UBL4A: variants seen among roughly 807,000 people sequenced by gnomAD.
The protein encoded by UBL4A is ubiquitin-like protein 4A.
Under a neutral mutation model 11.4 loss-of-function variants are expected in UBL4A, and 4 were observed. That is an observed-to-expected ratio of 0.35 (90% CI 0.17 to 0.81). The LOEUF (loss-of-function observed/expected upper bound fraction) is 0.81, where lower values mean the gene tolerates loss of function less well. Among genes scored for constraint, UBL4A ranks in the 30% least tolerant of loss-of-function variants. The pLI is 0.52. For missense variants in UBL4A, 112 were observed against 124.9 expected (o/e 0.90, Z 0.49); for synonymous variants, 72 against 61.2 (o/e 1.18, Z -0.83).
At chrX:154,486,093 A>T in intron 2 of UBL4A, 114 bp from the exon 3 acceptor site, 2 of 1,048,318 alleles carry the variant, frequency 1.9e-6, no homozygotes, top group Non-Finnish European at 2.6e-6. Context: ...GCTGTGAGGC[A>T]TGCGGCCGCC....
rs2069286185 is a variant in UBL4A at position 154,485,138 on chromosome X, G to A, written c.*401C>T. 15 of 414,889 alleles carry A rather than the reference G, an allele frequency of 3.6e-5. No homozygotes were observed. The East Asian group carries it at 6.0e-4, about 17-fold the overall frequency. 34.2% of individuals were successfully genotyped at this position (414,889 alleles called of 1,213,427 possible). A position where few individuals can be genotyped will look rare whatever the true frequency, so the allele number is the denominator to read the frequency against. On this transcript the variant is annotated 3_prime_UTR_variant, in exon 4 of 4. Coordinates refer to ENST00000369660, the MANE Select transcript of UBL4A (RefSeq NM_014235.5). ...GGCCTCCTGCAGAGGTAAGCTGAGG[G>A]CTATGTTGGACCCGCCAGAAGTCAG...
Position 154,485,045 on chromosome X carries a change from G to A in UBL4A, c.*494C>T, listed in dbSNP as rs992883549. 6 of 295,561 alleles carry A rather than the reference G, an allele frequency of 2.0e-5. No individual in the cohort carries two copies. Among genetic ancestry groups the A allele is most frequent in the Middle Eastern group, 9.5e-4 (1 of 1,051 alleles). The allele number at this position is 295,561 out of a possible 1,213,427, so 24.4% of individuals were successfully genotyped here. A position where few individuals can be genotyped will look rare whatever the true frequency, so the allele number is the denominator to read the frequency against. ...GCCCCAATCTGCTTTTCCATTTGTC[G>A]AACGCACACTGGCACACTGGCTGCA... is the stretch of plus-strand genomic sequence containing the variant. On this transcript the variant is annotated 3_prime_UTR_variant, in exon 4 of 4. Coordinates refer to ENST00000369660, the MANE Select transcript of UBL4A (RefSeq NM_014235.5).
rs782492197 is a variant in UBL4A at position 154,485,145 on chromosome X, T to A, written c.*394A>T. ...TGCAGAGGTAAGCTGAGGGCTATGT[T>A]GGACCCGCCAGAAGTCAGGTGACAG... On this transcript the variant is annotated 3_prime_UTR_variant, in exon 4 of 4. Transcript: ENST00000369660. 2.9e-5 allele frequency: 12 copies of A among 414,865 alleles called. No homozygotes were observed. Among genetic ancestry groups the A allele is most frequent in the Non-Finnish European group, 4.6e-5 (11 of 238,202 alleles). The allele number at this position is 414,865 out of a possible 1,213,427, so 34.2% of individuals were successfully genotyped here. A position where few individuals can be genotyped will look rare whatever the true frequency, so the allele number is the denominator to read the frequency against.
In UBL4A at chrX:154,485,644, G is replaced by A. The variant is rs782054334; in HGVS notation, c.369C>T (p.Tyr123=). ...SRVLEQLQRD[Y]ERSLSRLTLD... is the part of the protein sequence containing the mutation. ...GCGTCAGGCGACTCAGGGACCTCTC[G>A]TAATCCTGGGGAGAGAAGGGCAGGA... The change falls in exon 4 of 4, where the codon TAC becomes TAT. Residue 123 remains tyrosine, a synonymous_variant. Coordinates refer to ENST00000369660, the MANE Select transcript of UBL4A (RefSeq NM_014235.5). The A allele has an allele frequency of 5.0e-6, 6 of 1,205,449 alleles. No homozygotes were observed. Among genetic ancestry groups the A allele is most frequent in the African/African-American group, 3.5e-5 (2 of 56,847 alleles).
chrX:154,486,521 G>C lies in UBL4A; in HGVS notation c.48+16C>G. On this transcript the variant is annotated intron_variant, in intron 1 of 3. Transcript: ENST00000369660. ...GAGAGCGCGCCGGACCCGGCGGCCC[G>C]GCCCGGGGACCCTACCTGCAGGCTG... 1 of 1,033,281 alleles carries C rather than the reference G, an allele frequency of 9.7e-7. No homozygotes were observed. Among genetic ancestry groups the C allele is most frequent in the Non-Finnish European group, 1.2e-6 (1 of 808,782 alleles). 85.2% of individuals were successfully genotyped at this position (1,033,281 alleles called of 1,213,427 possible). A position where few individuals can be genotyped will look rare whatever the true frequency, so the allele number is the denominator to read the frequency against.
Position 154,485,438 on chromosome X carries a change from C to A in UBL4A, c.*101G>T, listed in dbSNP as rs782450266. ...GCACCTGGCCAGAGCCAGGTACATG[C>A]CAGCTATGATGATGATGAGCCCAAC... is the stretch of plus-strand genomic sequence containing the variant. On this transcript the variant is annotated 3_prime_UTR_variant, in exon 4 of 4. Coordinates refer to ENST00000369660, the MANE Select transcript of UBL4A (RefSeq NM_014235.5). 1 of 902,429 alleles carries A rather than the reference C, an allele frequency of 1.1e-6. No individual in the cohort carries two copies. Among genetic ancestry groups the A allele is most frequent in the East Asian group, 3.1e-5 (1 of 32,425 alleles). 74.4% of individuals were successfully genotyped at this position (902,429 alleles called of 1,213,427 possible). A position where few individuals can be genotyped will look rare whatever the true frequency, so the allele number is the denominator to read the frequency against.
chrX:154,485,862 G>T lies in UBL4A; in HGVS notation c.272C>A (p.Pro91Gln), dbSNP rs782230135. The T allele has an allele frequency of 8.3e-7, 1 of 1,208,105 alleles. No individual in the cohort carries two copies. Among genetic ancestry groups the T allele is most frequent in the Admixed American group, 2.2e-5 (1 of 45,787 alleles). Residue 91 changes from proline to glutamine, a missense_variant, in exon 3 of 4, where the codon CCA (proline) becomes CAA (glutamine). By Grantham distance (76) the Pro-to-Gln change is moderately conservative. Transcript: ENST00000369660. ...EGEAQRLADSPPPQVWQLISK... is the reference protein window; with the variant it reads ...EGEAQRLADSQPPQVWQLISK... ...GATCAGCTGCCAGACCTGCGGGGGT[G>T]GGGAGTCGGCCAGCCTCTGGGCCTC... is the stretch of plus-strand genomic sequence containing the variant.
Position 154,485,240 on chromosome X carries a change from C to T in UBL4A, c.*299G>A, listed in dbSNP as rs904000280. The stretch of plus-strand genomic sequence containing the variant: ...TTCTCAGTGGGCTAAACATGACATG[C>T]GAGAGCCCAGCTCTCCAAGCGGCCC... On this transcript the variant is annotated 3_prime_UTR_variant, in exon 4 of 4. Coordinates refer to ENST00000369660, the MANE Select transcript of UBL4A (RefSeq NM_014235.5). 1.3e-5 allele frequency: 6 copies of T among 464,539 alleles called. No individual in the cohort carries two copies. The highest frequency in any genetic ancestry group is 7.4e-5 in the East Asian group (2 of 27,176). 38.3% of individuals were successfully genotyped at this position (464,539 alleles called of 1,213,427 possible). A position where few individuals can be genotyped will look rare whatever the true frequency, so the allele number is the denominator to read the frequency against.
In UBL4A at chrX:154,485,150, C is replaced by T. The variant is rs1240343728; in HGVS notation, c.*389G>A. On this transcript the variant is annotated 3_prime_UTR_variant, in exon 4 of 4. Transcript: ENST00000369660. The stretch of plus-strand genomic sequence containing the variant: ...AGGTAAGCTGAGGGCTATGTTGGAC[C>T]CGCCAGAAGTCAGGTGACAGCTGCT... 1.1e-4 allele frequency: 47 copies of T among 416,415 alleles called. No individual in the cohort carries two copies. The highest frequency in any genetic ancestry group is 4.2e-5 in the Non-Finnish European group (10 of 238,976). 34.3% of individuals were successfully genotyped at this position (416,415 alleles called of 1,213,427 possible). A position where few individuals can be genotyped will look rare whatever the true frequency, so the allele number is the denominator to read the frequency against.
chrX:154,485,669 AAGATTC>A lies in UBL4A; in HGVS notation c.364-26_364-21del, dbSNP rs1557212630. On this transcript the variant is annotated intron_variant, in intron 3 of 3. Transcript: ENST00000369660. ...GTAATCCTGGGGAGAGAAGGGCAGG[AAGATTC>A]AGGGGCTGCCAGTGGTGGGGGGGCA... 15 of 1,180,022 alleles carry A rather than the reference AAGATTC, an allele frequency of 1.3e-5. No individual in the cohort carries two copies. In the Admixed American group the frequency reaches 3.1e-4, roughly 24 times the overall value.
At position 154,486,528 on chromosome X, in the gene UBL4A, G is replaced by T; in HGVS notation, c.48+9C>A. On this transcript the variant is annotated intron_variant, in intron 1 of 3. Coordinates refer to ENST00000369660, the MANE Select transcript of UBL4A (RefSeq NM_014235.5). Reference sequence around the variant, plus strand: ...CGCCGGACCCGGCGGCCCGGCCCGGGGACCCTACCTGCAGGCTGCACTCGC... The same window carrying T: ...CGCCGGACCCGGCGGCCCGGCCCGGTGACCCTACCTGCAGGCTGCACTCGC... 1 of 1,034,765 alleles carries T rather than the reference G, an allele frequency of 9.7e-7. No individual in the cohort carries two copies. The highest frequency in any genetic ancestry group is 1.2e-6 in the Non-Finnish European group (1 of 809,229). The allele number at this position is 1,034,765 out of a possible 1,213,427, so 85.3% of individuals were successfully genotyped here. A position where few individuals can be genotyped will look rare whatever the true frequency, so the allele number is the denominator to read the frequency against.
In UBL4A at chrX:154,485,686, A is replaced by C. The variant is rs782565678; in HGVS notation, c.364-37T>G. 274 of 1,051,968 alleles carry C rather than the reference A, an allele frequency of 2.6e-4. 1 individual carries two copies. Among genetic ancestry groups the C allele is most frequent in the Admixed American group, 8.7e-4 (36 of 41,443 alleles). The allele number at this position is 1,051,968 out of a possible 1,213,427, so 86.7% of individuals were successfully genotyped here. The stretch of plus-strand genomic sequence containing the variant: ...AGGGCAGGAAGATTCAGGGGCTGCC[A>C]GTGGTGGGGGGGCATACACTGCAAC... On this transcript the variant is annotated intron_variant, in intron 3 of 3. Transcript: ENST00000369660.
chrX:154,485,455 G>T lies in UBL4A; in HGVS notation c.*84C>A. On this transcript the variant is annotated 3_prime_UTR_variant, in exon 4 of 4. Transcript: ENST00000369660. Reference sequence around the variant, plus strand: ...GGTACATGCCAGCTATGATGATGATGAGCCCAACTGCAACAGGAGAACACA... The same window carrying T: ...GGTACATGCCAGCTATGATGATGATTAGCCCAACTGCAACAGGAGAACACA... 1.0e-6 allele frequency: 1 copy of T among 997,688 alleles called. No homozygotes were observed. The highest frequency in any genetic ancestry group is 1.9e-5 in the South Asian group (1 of 52,569). 82.2% of individuals were successfully genotyped at this position (997,688 alleles called of 1,213,427 possible). A position where few individuals can be genotyped will look rare whatever the true frequency, so the allele number is the denominator to read the frequency against.
In UBL4A at chrX:154,485,056, G is replaced by T; in HGVS notation, c.*483C>A. On this transcript the variant is annotated 3_prime_UTR_variant, in exon 4 of 4. Transcript: ENST00000369660. The stretch of plus-strand genomic sequence containing the variant: ...CTTTTCCATTTGTCGAACGCACACT[G>T]GCACACTGGCTGCAGCAGCTGCGGG... 1 of 333,875 alleles carries T rather than the reference G, an allele frequency of 3.0e-6. No individual in the cohort carries two copies. Among genetic ancestry groups the T allele is most frequent in the Non-Finnish European group, 5.2e-6 (1 of 190,787 alleles). The allele number at this position is 333,875 out of a possible 1,213,427, so 27.5% of individuals were successfully genotyped here.
chrX:154,486,146 G>T, intron 2 of UBL4A, 82 bp downstream of exon 2: 4 of 1,067,015 alleles, frequency 3.7e-6, no homozygotes, highest in Non-Finnish European at 5.0e-6. Flanking sequence ...ACCCCGACCC[G>T]ACACACGGCT....
chrX:154,485,473 A>G lies in UBL4A; in HGVS notation c.*66T>C. On this transcript the variant is annotated 3_prime_UTR_variant, in exon 4 of 4. Transcript: ENST00000369660. ...TGATGATGAGCCCAACTGCAACAGGAGAACACACTTAGTGCGACATGCAGC... is the reference window on the plus strand; with the variant it reads ...TGATGATGAGCCCAACTGCAACAGGGGAACACACTTAGTGCGACATGCAGC... 1.3e-5 allele frequency: 14 copies of G among 1,089,438 alleles called. No individual in the cohort carries two copies. Among genetic ancestry groups the G allele is most frequent in the Non-Finnish European group, 1.8e-5 (14 of 784,006 alleles). 89.8% of individuals were successfully genotyped at this position (1,089,438 alleles called of 1,213,427 possible). A position where few individuals can be genotyped will look rare whatever the true frequency, so the allele number is the denominator to read the frequency against.
rs369463648 is a variant in UBL4A at position 154,485,888 on chromosome X, G to C, written c.246C>G (p.Gly82=). The C allele has an allele frequency of 9.9e-6, 12 of 1,209,475 alleles. No individual in the cohort carries two copies. The highest frequency in any genetic ancestry group is 1.2e-5 in the Non-Finnish European group (11 of 894,896). ...GGGAGTCGGCCAGCCTCTGGGCCTC[G>C]CCTTCTTCTAGTAGCACCTTCTCCA... ...KPLEKVLLEE[G]EAQRLADSPP... is the part of the protein sequence containing the mutation. The change falls in exon 3 of 4, where the codon GGC becomes GGG. Residue 82 remains glycine, a synonymous_variant. Coordinates refer to ENST00000369660, the MANE Select transcript of UBL4A (RefSeq NM_014235.5).
At chrX:154,485,687 G>T in intron 3 of UBL4A, 38 bp from the exon 4 acceptor site, 1 of 1,173,126 alleles carries the variant, frequency 8.5e-7, no homozygotes, top group Non-Finnish European at 1.2e-6. Context: ...GGGGCTGCCA[G>T]TGGTGGGGGG....
In UBL4A at chrX:154,485,302, G is replaced by A. The variant is rs147530071; in HGVS notation, c.*237C>T. ...TCACACCAAGGCACTTTCAGAAGCC[G>A]CTGGATTCCGACTGGGGCTGTGCCA... On this transcript the variant is annotated 3_prime_UTR_variant, in exon 4 of 4. Coordinates refer to ENST00000369660, the MANE Select transcript of UBL4A (RefSeq NM_014235.5). The A allele has an allele frequency of 1.6e-3, 808 of 504,363 alleles. 8 individuals carry two copies. In the Admixed American group the frequency reaches 0.021, roughly 13 times the overall value. The allele number at this position is 504,363 out of a possible 1,213,427, so 41.6% of individuals were successfully genotyped here. A position where few individuals can be genotyped will look rare whatever the true frequency, so the allele number is the denominator to read the frequency against.
Sources: gnomAD v4.1 joint callset for allele counts on GRCh38, gnomAD v4.1.1 for gene constraint, MANE v1.5 for transcripts, NCBI Gene and HGNC (gene_info 2026-07-23, HGNC 2026-07-21) for gene names.